Variants in CNTNAP3B observed in about 807,000 individuals in gnomAD.
CNTNAP3B encodes contactin-associated protein-like 3B.
A neutral mutation model predicts 108.9 loss-of-function variants in CNTNAP3B; 25 were observed. That is an observed-to-expected ratio of 0.23 (90% CI 0.17 to 0.32). The LOEUF is 0.32. Ranked by LOEUF, CNTNAP3B falls within the 10% of genes least tolerant of loss-of-function variation. The pLI, the probability that CNTNAP3B is intolerant of heterozygous loss-of-function variation, is 1.00. For missense variants in CNTNAP3B, 252 were observed against 1,210.4 expected, an observed-to-expected ratio of 0.21 and a Z score of 11.75; for synonymous variants, 103 against 473.4, an observed-to-expected ratio of 0.22 and a Z score of 10.16.
intron 2 of CNTNAP3B, among the ~76,000 whole-genome samples, chr9:42,086,084 T>C (rs1308489530): frequency 1.6e-4 from 22 of 140,386 alleles, no homozygotes; most frequent in African/African-American, 4.2e-4. Flanking sequence ...CACATTTCCA[T>C]GTGGCTGAGG....
chr9:42,034,126 C>A lies in CNTNAP3B; in HGVS notation c.391-20601G>T, dbSNP rs868612929. 1.1e-4 allele frequency among the ~76,000 whole-genome samples: 13 copies of A among 114,104 alleles called. 1 individual carries two copies. The highest frequency in any genetic ancestry group is 2.4e-4 in the Non-Finnish European group (13 of 55,100). The allele number at this position is 114,104 out of a possible 152,430, so 74.9% of individuals were successfully genotyped here. On this transcript the variant is annotated intron_variant, in intron 3 of 23. Transcript: ENST00000377561. ...CATTTTTTCTTCTATTTCTATATAT[C>A]GTCTATCTTTCTATGTGTACATAAT...
intron 15 of CNTNAP3B, among the ~76,000 whole-genome samples, chr9:41,926,383 A>T (rs1029232147): frequency 6.6e-6 from 1 of 152,306 alleles, no homozygotes; most frequent in African/African-American, 2.4e-5. Context: ...AAGATAAGGA[A>T]AGGAAAAGAG....
chr9:42,076,427 T>TAAA (rs1186980537), intron 3 of CNTNAP3B, among the ~76,000 whole-genome samples: 2 of 104,238 alleles, frequency 1.9e-5, no homozygotes, highest in South Asian at 3.2e-4. Flanking sequence ...ACTCTGTCTC[T>TAAA]AAAAAAAAAA....
intron 3 of CNTNAP3B, among the ~76,000 whole-genome samples, chr9:42,061,463 G>A (rs1486991171): frequency 1.5e-5 from 2 of 134,642 alleles, no homozygotes; most frequent in African/African-American, 6.0e-5. Context: ...GACAGCAGGC[G>A]AGCACCATGC....
intron 9 of CNTNAP3B, chr9:41,979,694 C>T (rs1825587591): frequency 1.3e-5 from 1 of 78,660 alleles, no homozygotes. Context: ...ATTATCCTGC[C>T]TCAGCCTCCC....
Position 42,029,475 on chromosome 9 carries a change from G to A in CNTNAP3B, c.391-15950C>T, listed in dbSNP as rs1175116012. 1.4e-4 allele frequency among the ~76,000 whole-genome samples: 17 copies of A among 118,478 alleles called. 2 individuals are homozygous for A. The highest frequency in any genetic ancestry group is 6.0e-4 in the African/African-American group (17 of 28,214). 77.7% of individuals were successfully genotyped at this position (118,478 alleles called of 152,430 possible). Reference sequence around the variant, plus strand: ...CAGTCTTACCAGTCAGATAACCCTTGTTGACATACAAAATAAATGTATTAA... The same window carrying A: ...CAGTCTTACCAGTCAGATAACCCTTATTGACATACAAAATAAATGTATTAA... On this transcript the variant is annotated intron_variant, in intron 3 of 23. Transcript: ENST00000377561.
chr9:42,118,211 G>C (rs1350358063), intron 1 of CNTNAP3B, among the ~76,000 whole-genome samples: 2 of 139,534 alleles, frequency 1.4e-5, no homozygotes, highest in Non-Finnish European at 3.1e-5. Context: ...AAGCCTGGCA[G>C]AGACACAAAC....
intron 2 of CNTNAP3B, among the ~76,000 whole-genome samples, chr9:42,102,060 A>G (rs1285318210): frequency 7.2e-5 from 1 of 13,962 alleles, no homozygotes; most frequent in African/African-American, 1.3e-4. Flanking sequence ...CATCTCGATA[A>G]ATAAATAAAT....
chr9:41,923,536 C>T (rs1255416047), intron 16 of CNTNAP3B, among the ~76,000 whole-genome samples: 83 of 152,324 alleles, frequency 5.4e-4, no homozygotes, highest in Middle Eastern at 3.4e-3. Flanking sequence ...CCGAGGCAGG[C>T]GGATCACTTG....
At chr9:42,061,381 G>A (rs1386379433) in intron 3 of CNTNAP3B, among the ~76,000 whole-genome samples, 3 of 128,290 alleles carry the variant, frequency 2.3e-5, no homozygotes, top group African/African-American at 6.5e-5. Flanking sequence ...GCAGTGGCAC[G>A]AGCTTGGCTC....
intron 14 of CNTNAP3B, among the ~76,000 whole-genome samples, chr9:41,934,978 T>C (rs1824111356): frequency 6.6e-6 from 1 of 152,264 alleles, no homozygotes; most frequent in African/African-American, 2.4e-5. Context: ...ACATGTGTCA[T>C]CATTATATTA....
chr9:42,110,812 TA>T, intron 1 of CNTNAP3B, among the ~76,000 whole-genome samples: 1 of 139,506 alleles, frequency 7.2e-6, no homozygotes, highest in South Asian at 2.3e-4. Flanking sequence ...AATGAGAGGT[TA>T]AATAATGCTT....
chr9:42,127,598 G>T (rs1828601196), intron 1 of CNTNAP3B, among the ~76,000 whole-genome samples: 1 of 139,630 alleles, frequency 7.2e-6, no homozygotes, highest in African/African-American at 2.8e-5. Context: ...AAGCCAAACG[G>T]CAGTTTCCAT....
intron 13 of CNTNAP3B, among the ~76,000 whole-genome samples, chr9:41,943,554 G>T (rs1419435428): frequency 3.3e-5 from 5 of 151,564 alleles, no homozygotes; most frequent in South Asian, 4.2e-4. Flanking sequence ...TGGTTTCCCC[G>T]TGGTAGCCAG....
intron 15 of CNTNAP3B, among the ~76,000 whole-genome samples, chr9:41,928,717 T>A (rs1823889974): frequency 6.6e-6 from 1 of 150,536 alleles, no homozygotes; most frequent in Non-Finnish European, 1.5e-5. Flanking sequence ...GAAACACTAT[T>A]ACAATTTTTC....
Position 41,958,250 on chromosome 9 carries a change from G to A in CNTNAP3B, c.1876+2523C>T, listed in dbSNP as rs1297523472. ...AGCCTCCCAAGTAGCTGGGACTACA[G>A]ATACATGTCACCATGCTGTTTTGTT... On this transcript the variant is annotated intron_variant, in intron 12 of 23. Transcript: ENST00000377561. Among the ~76,000 whole-genome samples the A allele has an allele frequency of 5.9e-5, 9 of 152,424 alleles. No individual in the cohort carries two copies. In the East Asian group the frequency reaches 1.7e-3, roughly 29 times the overall value.
intron 1 of CNTNAP3B, among the ~76,000 whole-genome samples, chr9:42,125,442 C>G (rs574862880): frequency 7.0e-6 from 1 of 141,922 alleles, no homozygotes; most frequent in South Asian, 2.2e-4. Context: ...TCCCCACTAC[C>G]CAGCATGGAT....
At chr9:41,969,027 AC>A (rs1314456035) in intron 10 of CNTNAP3B, among the ~76,000 whole-genome samples, 1 of 152,286 alleles carries the variant, frequency 6.6e-6, no homozygotes, top group Non-Finnish European at 1.5e-5. Flanking sequence ...CGATCTCCTG[AC>A]CTCGTGATCC....
At chr9:41,944,431 T>A (rs1316894396) in intron 13 of CNTNAP3B, among the ~76,000 whole-genome samples, 7 of 152,262 alleles carry the variant, frequency 4.6e-5, no homozygotes, top group African/African-American at 1.7e-4. Flanking sequence ...AATGCTGTGT[T>A]ATAAAGTACC....
Sources: allele counts gnomAD v4.1 joint callset (sites outside exome capture counted in the v4.1 genomes callset), GRCh38; gene constraint gnomAD v4.1.1; transcripts MANE v1.5; gene names NCBI Gene and HGNC (gene_info 2026-07-23, HGNC 2026-07-21).